Variants in LTB observed in about 807,000 individuals in gnomAD.
LTB encodes the protein lymphotoxin beta.
In LTB, 17 loss-of-function variants were observed where a neutral mutation model predicts 14.7. That is an observed-to-expected ratio of 1.16 (90% CI 0.79 to 1.73). The LOEUF is 1.73. LTB is among the 40% of genes most tolerant of loss of function. The pLI, the probability that LTB is intolerant of heterozygous loss-of-function variation, is 0.00. For missense variants in LTB, 288 were observed against 324.3 expected, an observed-to-expected ratio of 0.89 and a Z score of 0.86; for synonymous variants, 163 against 157.3, an observed-to-expected ratio of 1.04 and a Z score of -0.27.
chr6:31,582,128 CAA>C (rs1338549665), intron 1 of LTB, 126 bp downstream of exon 1: 1 of 1,111,286 alleles, frequency 9.0e-7, no homozygotes, highest in Non-Finnish European at 1.3e-6. Flanking sequence ...AGCAAAGAGA[CAA>C]GACATCCCCA....
rs1158482042 is a variant in LTB at position 31,580,994 on chromosome 6, C to G, written c.450G>C (p.Gly150=). ...GYRGRAPPGG[G]DPQGRSVTLR... The stretch of plus-strand genomic sequence containing the variant: ...GCGTGACCGAGCGGCCCTGGGGGTC[C>G]CCGCCGCCAGGGGGCGCCCGGCCCC... Residue 150 remains glycine (G), a synonymous_variant, in exon 4 of 4, where the codon GGG becomes GGC. Transcript: ENST00000429299. This position sits in a 1 kb window ranked among gnomAD's most constrained non-coding sequence, Gnocchi z 6.6. 1 of 1,565,022 alleles carries G rather than the reference C, an allele frequency of 6.4e-7. No individual in the cohort carries two copies. Among genetic ancestry groups the G allele is most frequent in the South Asian group, 1.2e-5 (1 of 86,512 alleles).
intron 1 of LTB, 152 bp downstream of exon 1, chr6:31,582,104 A>G: frequency 1.1e-6 from 1 of 934,546 alleles, no homozygotes; most frequent in Non-Finnish European, 1.7e-6. Context: ...TCACAGGAAC[A>G]TGGAAAGAGA....
At chr6:31,581,533 C>G (rs1228790701) in intron 3 of LTB, 26 bp downstream of exon 3, 12 of 1,606,464 alleles carry the variant, frequency 7.5e-6, no homozygotes, top group Non-Finnish European at 1.0e-5. Context: ...TATTTACACT[C>G]TTATTCAGGT....
chr6:31,582,068 G>T, intron 1 of LTB, 188 bp downstream of exon 1: 2 of 779,272 alleles, frequency 2.6e-6, no homozygotes, highest in Non-Finnish European at 4.2e-6. Context: ...GACACAAGGG[G>T]CTTATGTCGG....
At chr6:31,582,007 G>A in intron 1 of LTB, 148 bp from the exon 2 acceptor site, 3 of 871,662 alleles carry the variant, frequency 3.4e-6, no homozygotes, top group Admixed American at 2.7e-5. Context: ...GAACAAGCAA[G>A]GCATAGGTAC....
intron 1 of LTB, 44 bp downstream of exon 1, chr6:31,582,212 C>G (rs369223933): frequency 1.2e-6 from 2 of 1,603,716 alleles, no homozygotes; most frequent in Non-Finnish European, 1.7e-6. Context: ...AGCCAAGCAT[C>G]CGCAAGATAC....
At chr6:31,581,913 T>G (rs4647182) in intron 1 of LTB, 54 bp from the exon 2 acceptor site, 3 of 1,517,918 alleles carry the variant, frequency 2.0e-6, no homozygotes, top group South Asian at 1.3e-5. Flanking sequence ...ATGTCACCCC[T>G]ACCCCTCTGA....
At chr6:31,581,353 G>A (rs1170592345) in intron 3 of LTB, among the ~76,000 whole-genome samples, 190 bp from the exon 4 acceptor site, 1 of 152,176 alleles carries the variant, frequency 6.6e-6, no homozygotes, top group African/African-American at 2.4e-5. Flanking sequence ...CGCTGTAGTG[G>A]GGACCTCCAG....
Position 31,582,367 on chromosome 6 carries a change from AC to A in LTB, c.50del (p.Gly17ValfsTer5), listed in dbSNP as rs766804237. ...CTCCTGCCACAGCTAGCAGGAGGGA[AC>A]CCCTCCCCTGGAGCCTCCCACCCCT... Reference protein sequence around the residue: ...EGRGGRLQGRGSLLLAVAGAT... With the variant: ...EGRGGRLQGRXSLLLAVAGAT... On this transcript the variant is annotated frameshift_variant, in exon 1 of 4. Coordinates refer to ENST00000429299, the MANE Select transcript of LTB (RefSeq NM_002341.2). LOFTEE classifies it high-confidence loss of function. The A allele has an allele frequency of 1.2e-6, 2 of 1,612,652 alleles. No individual in the cohort carries two copies. Among genetic ancestry groups the A allele is most frequent in the Non-Finnish European group, 8.5e-7 (1 of 1,179,786 alleles).
Position 31,582,316 on chromosome 6 carries a change from C to T in LTB, c.102G>A (p.Leu34=). 6.2e-7 allele frequency: 1 copy of T among 1,613,062 alleles called. No homozygotes were observed. The highest frequency in any genetic ancestry group is 8.5e-7 in the Non-Finnish European group (1 of 1,180,010). Residue 34 remains leucine, a synonymous_variant, in exon 1 of 4, where the codon CTG becomes CTA. Transcript: ENST00000429299. ...AGATSLVTLL[L]AVPITVLAVL... is the part of the protein sequence containing the mutation. Reference sequence around the variant, plus strand: ...CAGCCAGGACAGTGATAGGCACCGCCAGCAACAAGGTCACCAGAGAAGTGG... The same window carrying T: ...CAGCCAGGACAGTGATAGGCACCGCTAGCAACAAGGTCACCAGAGAAGTGG...
rs745861894 is a variant in LTB, at chr6:31,581,547, G to C, written c.280+12C>G. ...TTATTTACACTCTTATTCAGGTCTT[G>C]GAGGTCCTTACCTATGAGGTGGGCA... is the stretch of plus-strand genomic sequence containing the variant. On this transcript the variant is annotated intron_variant, in intron 3 of 3. Coordinates refer to ENST00000429299, the MANE Select transcript of LTB (RefSeq NM_002341.2). The C allele has an allele frequency of 6.2e-7, 1 of 1,611,376 alleles. No homozygotes were observed. The highest frequency in any genetic ancestry group is 1.7e-5 in the Admixed American group (1 of 60,012).
rs775344697 is a variant in LTB at position 31,581,824 on chromosome 6, C to A, written c.198G>T (p.Gln66His). ...TETADPGAQAQQGLGFQKLPE... is the reference protein window; with the variant it reads ...TETADPGAQAHQGLGFQKLPE... ...ACAGTCTGCTCTTACCCAGTCCTTGCTGGGCCTGTGCCCCGGGGTCGGCCG... is the reference window on the plus strand; with the variant it reads ...ACAGTCTGCTCTTACCCAGTCCTTGATGGGCCTGTGCCCCGGGGTCGGCCG... The change falls in exon 2 of 4, where the codon CAG (glutamine) becomes CAT (histidine). Residue 66 changes from glutamine (Q) to histidine (H), a missense_variant. Transcript: ENST00000429299. 2 of 1,607,526 alleles carry A rather than the reference C, an allele frequency of 1.2e-6. No individual in the cohort carries two copies. The highest frequency in any genetic ancestry group is 2.2e-5 in the East Asian group (1 of 44,844).
chr6:31,581,681 GGCT>G, intron 2 of LTB, 51 bp from the exon 3 acceptor site: 5 of 1,601,752 alleles, frequency 3.1e-6, no homozygotes, highest in African/African-American at 1.3e-5. Context: ...CACCCATGCA[GGCT>G]ACCCTTGAGA....
chr6:31,581,678 G>A, intron 2 of LTB, 48 bp from the exon 3 acceptor site: 1 of 1,600,414 alleles, frequency 6.2e-7, no homozygotes, highest in Non-Finnish European at 8.6e-7. Context: ...AGCCACCCAT[G>A]CAGGCTACCC....
chr6:31,581,948 G>A (rs991656924), intron 1 of LTB, 89 bp from the exon 2 acceptor site: 3 of 1,341,040 alleles, frequency 2.2e-6, no homozygotes, highest in South Asian at 2.8e-5. Flanking sequence ...TGCAGGCCTG[G>A]GGTTTCTCCT....
rs879136053 is a variant in LTB, at chr6:31,581,687, C to T, written c.209-57G>A. The T allele has an allele frequency of 6.9e-6, 11 of 1,600,810 alleles. 1 individual carries two copies. Among genetic ancestry groups the T allele is most frequent in the Middle Eastern group, 1.7e-4 (1 of 6,030 alleles). On this transcript the variant is annotated intron_variant, in intron 2 of 3. Transcript: ENST00000429299. ...CAGGGCAGCCACCCATGCAGGCTAC[C>T]CTTGAGAGAACAGGGCGCAGGGATG...
intron 1 of LTB, 177 bp from the exon 2 acceptor site, chr6:31,582,036 G>T: frequency 1.3e-6 from 1 of 773,974 alleles, no homozygotes; most frequent in Non-Finnish European, 2.1e-6. Context: ...AGAAACAGAT[G>T]TACCTCGGGA....
chr6:31,582,085 A>C (rs1472755322), intron 1 of LTB, 171 bp downstream of exon 1: 2 of 854,008 alleles, frequency 2.3e-6, no homozygotes, highest in African/African-American at 1.7e-5. Flanking sequence ...TCGGGACACA[A>C]GCACAACATC....
At position 31,581,628 on chromosome 6, in the gene LTB, A is replaced by C. The variant is rs759969846; in HGVS notation, c.211T>G (p.Phe71Val). Reference protein sequence around the residue: ...PGAQAQQGLGFQKLPEEEPET... With the variant: ...PGAQAQQGLGVQKLPEEEPET... ...GGCTCCTCCTCTGGCAGCTTCTGAA[A>C]CCCTGGAAGGGGCAAAGAGTCCACG... is the stretch of plus-strand genomic sequence containing the variant. Residue 71 changes from phenylalanine (F) to valine (V), a missense_variant and splice_region_variant, in exon 3 of 4, where the codon TTT becomes GTT. Physicochemically the swap from Phe to Val is conservative, Grantham distance 50. Transcript: ENST00000429299. 6.2e-7 allele frequency: 1 copy of C among 1,612,852 alleles called. No homozygotes were observed. The highest frequency in any genetic ancestry group is 8.5e-7 in the Non-Finnish European group (1 of 1,179,942).
Sources: gnomAD v4.1 joint callset for allele counts (sites outside exome capture counted in the v4.1 genomes callset) on GRCh38, gnomAD v4.1.1 for gene constraint, Gnocchi (gnomAD v3.1) non-coding constraint, MANE v1.5 for transcripts, NCBI Gene and HGNC (gene_info 2026-07-23, HGNC 2026-07-21) for gene names.